The following HR variants were observed in gnomAD, a reference collection of about 807,000 sequenced individuals.
The protein encoded by HR is HR lysine demethylase and nuclear receptor corepressor.
HR carries 83 observed loss-of-function variants against 128.6 expected under a neutral mutation model. The observed-to-expected ratio is 0.65, with a 90% CI of 0.54 to 0.77. The LOEUF (loss-of-function observed/expected upper bound fraction) is 0.77, where lower values mean the gene tolerates loss of function less well. Among genes scored for constraint, HR ranks in the 30% least tolerant of loss-of-function variants. The probability of loss-of-function intolerance (pLI) is 0.00; values close to 1 mark genes in which losing one functional copy is unlikely to be tolerated. For synonymous variants in HR, 681 were observed against 658.2 expected (o/e 1.03, Z -0.53); for missense variants, 1,490 against 1,574.6 (o/e 0.95, Z 0.91).
rs139561771 is a variant in HR, at chr8:22,119,273, C to A, written c.2988G>T (p.Pro996=). 7 of 1,613,608 alleles carry A rather than the reference C, an allele frequency of 4.3e-6. No individual in the cohort carries two copies. The South Asian group carries it at 7.7e-5, about 18-fold the overall frequency. The change falls in exon 15 of 19, where the codon CCG becomes CCT. Residue 996 remains proline, a synonymous_variant. Transcript: ENST00000381418. The stretch of plus-strand genomic sequence containing the variant: ...TCTTGGTCCCCAGGTGTCCCCGGTG[C>A]GGGCTCACACCTGCATGGCAATAGA... ...PQLWAAYGVS[P]HRGHLGTKNL...
intron 3 of HR, among the ~76,000 whole-genome samples, chr8:22,126,726 C>T (rs1214315564): frequency 6.6e-6 from 1 of 152,194 alleles, no homozygotes; most frequent in Admixed American, 6.5e-5. Flanking sequence ...GCAACTCATC[C>T]GAGGTCACAC....
intron 16 of HR, 177 bp downstream of exon 16, chr8:22,118,773 G>A: frequency 1.6e-6 from 1 of 617,678 alleles, no homozygotes. Flanking sequence ...GAGCCCCACG[G>A]CAGAACTCCG....
Position 22,119,747 on chromosome 8 carries a change from G to A in HR, c.2977+13C>T. 1.2e-6 allele frequency: 2 copies of A among 1,602,578 alleles called. No homozygotes were observed. On this transcript the variant is annotated intron_variant, in intron 14 of 18. Coordinates refer to ENST00000381418, the MANE Select transcript of HR (RefSeq NM_005144.5). ...TGGGAGTAGAGACTGGGCAGGAGTG[G>A]AGGGACACTCACCATAGGCTGCCCA...
chr8:22,116,843 TC>T lies in HR; in HGVS notation c.3378+31del. The T allele has an allele frequency of 6.4e-7, 1 of 1,557,732 alleles. No individual in the cohort carries two copies. On this transcript the variant is annotated intron_variant, in intron 17 of 18. Transcript: ENST00000381418. This position sits in a 1 kb window ranked among gnomAD's most constrained non-coding sequence, Gnocchi z 4.2. ...TTGGGTCGCTTCTGCCATCCTGATC[TC>T]CCCGCAGAGCCCCTGCCCGCTGGGA...
chr8:22,121,634 T>C lies in HR; in HGVS notation c.2182A>G (p.Arg728Gly). The C allele has an allele frequency of 1.9e-6, 3 of 1,614,166 alleles. No individual in the cohort carries two copies. The highest frequency in any genetic ancestry group is 2.5e-6 in the Non-Finnish European group (3 of 1,180,030). The change falls in exon 9 of 19, where the codon AGG (arginine) becomes GGG (glycine). Residue 728 changes from arginine (R) to glycine (G), a missense_variant. Around this residue, in one of 3 missense-constraint regions of HR, gnomAD observed 1,060 missense variants for 1,060.9 expected, o/e 1.00. Transcript: ENST00000381418. ...TCACCCTCTTTGATGCTCTTGGTCCTGTGGGTGTCGCCATTGCAGGAAGGT... is the reference window on the plus strand; with the variant it reads ...TCACCCTCTTTGATGCTCTTGGTCCCGTGGGTGTCGCCATTGCAGGAAGGT... ...PQPSCNGDTHRTKSIKEETPD... is the reference protein window; with the variant it reads ...PQPSCNGDTHGTKSIKEETPD...
chr8:22,127,547 C>G lies in HR; in HGVS notation c.895G>C (p.Asp299His), dbSNP rs747380523. The change falls in exon 3 of 19, where the codon GAT becomes CAT. Residue 299 changes from aspartate to histidine, a missense_variant. Asp to His is a moderately conservative substitution (Grantham distance 81). Transcript: ENST00000381418. Reference protein sequence around the residue: ...TLGNVWAGPGDGNLGYQLGPP... With the variant: ...TLGNVWAGPGHGNLGYQLGPP... Reference sequence around the variant, plus strand: ...CCCAGCTGGTACCCAAGGTTCCCATCGCCTGGCCCAGCCCAGACGTTGCCA... The same window carrying G: ...CCCAGCTGGTACCCAAGGTTCCCATGGCCTGGCCCAGCCCAGACGTTGCCA... The G allele has an allele frequency of 2.5e-6, 4 of 1,612,956 alleles. No homozygotes were observed. Among genetic ancestry groups the G allele is most frequent in the Admixed American group, 1.7e-5 (1 of 60,006 alleles).
Position 22,116,577 on chromosome 8 carries a change from CA to C in HR, c.3379-150del. On this transcript the variant is annotated intron_variant, in intron 17 of 18. Transcript: ENST00000381418. This position sits in a 1 kb window ranked among gnomAD's most constrained non-coding sequence, Gnocchi z 4.2. ...TTCCTGGATGCACCACTGGACACCT[CA>C]AAGCCTGTGGCCAAAACCGGGACTC... 2 of 1,254,258 alleles carry C rather than the reference CA, an allele frequency of 1.6e-6. No homozygotes were observed. The highest frequency in any genetic ancestry group is 2.3e-6 in the Non-Finnish European group (2 of 888,314). 77.7% of individuals were successfully genotyped at this position (1,254,258 alleles called of 1,614,324 possible). A position where few individuals can be genotyped will look rare whatever the true frequency, so the allele number is the denominator to read the frequency against.
chr8:22,121,181 C>T lies in HR; in HGVS notation c.2251G>A (p.Gly751Arg), dbSNP rs760095677. The T allele has an allele frequency of 6.2e-7, 1 of 1,613,966 alleles. No homozygotes were observed. The highest frequency in any genetic ancestry group is 8.5e-7 in the Non-Finnish European group (1 of 1,180,030). The change falls in exon 10 of 19, where the codon GGG (glycine) becomes AGG (arginine). Residue 751 changes from glycine (G) to arginine (R), a missense_variant. Gly to Arg is a moderately radical substitution (Grantham distance 125). Transcript: ENST00000381418. ...CAGAGAGAAGGACAAGGCAGGGGCC[C>T]TCGGCCAGCACGGTCCTCTGCTGGG... Reference protein sequence around the residue: ...ETPAEDRAGRGPLPCPSLCEL... With the variant: ...ETPAEDRAGRRPLPCPSLCEL...
chr8:22,128,716 A>G lies in HR; in HGVS notation c.455T>C (p.Leu152Pro). ...HCPFLLETKI[L>P]ERAPFWVPTC... Reference sequence around the variant, plus strand: ...GGGCACCCAGAAGGGAGCTCGCTCCAGGATCTTGGTCTCCAGAAGGAAAGG... The same window carrying G: ...GGGCACCCAGAAGGGAGCTCGCTCCGGGATCTTGGTCTCCAGAAGGAAAGG... Residue 152 changes from leucine (L) to proline (P), a missense_variant, in exon 2 of 19, where the codon CTG becomes CCG. Around this residue, in one of 3 missense-constraint regions of HR, gnomAD observed 1,060 missense variants for 1,060.9 expected, o/e 1.00. Transcript: ENST00000381418. 2 of 1,585,716 alleles carry G rather than the reference A, an allele frequency of 1.3e-6. No individual in the cohort carries two copies. Among genetic ancestry groups the G allele is most frequent in the South Asian group, 1.1e-5 (1 of 87,744 alleles).
intron 5 of HR, 137 bp from the exon 6 acceptor site, chr8:22,123,950 A>G: frequency 9.9e-7 from 1 of 1,010,272 alleles, no homozygotes; most frequent in Non-Finnish European, 1.5e-6. Context: ...CAGGGAAGGG[A>G]GACAGGCCCC....
At chr8:22,122,768 C>G in intron 7 of HR, 22 bp downstream of exon 7, 1 of 1,548,536 alleles carries the variant, frequency 6.5e-7, no homozygotes, top group Non-Finnish European at 8.7e-7. Context: ...TCTGCACGCC[C>G]CACCCCTCCA....
Position 22,121,659 on chromosome 8 carries a change from T to C in HR, c.2157A>G (p.Gln719=), listed in dbSNP as rs1826757980. Residue 719 remains glutamine, a synonymous_variant, in exon 9 of 19, where the codon CAA becomes CAG. Coordinates refer to ENST00000381418, the MANE Select transcript of HR (RefSeq NM_005144.5). ...ESTQKTPPTP[Q]PSCNGDTHRT... ...TGTGGGTGTCGCCATTGCAGGAAGG[T>C]TGTGGAGTTGGGGGCGTTTTCTGTG... 2 of 1,614,070 alleles carry C rather than the reference T, an allele frequency of 1.2e-6. No individual in the cohort carries two copies. Among genetic ancestry groups the C allele is most frequent in the Non-Finnish European group, 1.7e-6 (2 of 1,180,042 alleles).
rs749719380 is a variant in HR, at chr8:22,127,286, G to T, written c.1156C>A (p.Arg386=). ...GGACATTCAAACTGCTCCGAGTGCC[G>T]TGTGAGCCATGTCTTCTTCAGCTTG... ...HTKLKKTWLT[R]HSEQFECPRG... Residue 386 remains arginine (R), a synonymous_variant, in exon 3 of 19, where the codon CGG becomes AGG. Coordinates refer to ENST00000381418, the MANE Select transcript of HR (RefSeq NM_005144.5). 1 of 1,613,174 alleles carries T rather than the reference G, an allele frequency of 6.2e-7. No homozygotes were observed. Among genetic ancestry groups the T allele is most frequent in the African/African-American group, 1.3e-5 (1 of 74,926 alleles).
chr8:22,123,617 T>TGGGGGCCCC, intron 6 of HR, 32 bp downstream of exon 6: 27 of 292,080 alleles, frequency 9.2e-5, no homozygotes, highest in East Asian at 2.2e-4. Context: ...GAGGGCTCCA[T>TGGGGGCCCC]CCCGCCCTCC....
In HR at chr8:22,116,929, G is replaced by T. The variant is rs1399689382; in HGVS notation, c.3324C>A (p.Thr1108=). The T allele has an allele frequency of 1.9e-6, 3 of 1,552,714 alleles. No homozygotes were observed. The East Asian group carries it at 7.1e-5, about 37-fold the overall frequency. ...CGGCCTCTCCGGGGGCCTGGAGCAG[G>T]GTCCAGCAGCTCACGCCCCACTCCT... ...LREEWGVSCW[T]LLQAPGEAVL... is the part of the protein sequence containing the mutation. The change falls in exon 17 of 19, where the codon ACC becomes ACA. Residue 1108 remains threonine, a synonymous_variant. Transcript: ENST00000381418. This position sits in a 1 kb window ranked among gnomAD's most constrained non-coding sequence, Gnocchi z 4.2.
At position 22,116,099 on chromosome 8, in the gene HR, C is replaced by A. The variant is rs182740539; in HGVS notation, c.3507+201G>T. Among the ~76,000 whole-genome samples the A allele has an allele frequency of 2.6e-4, 40 of 152,336 alleles. No homozygotes were observed. In the East Asian group the frequency reaches 5.6e-3, roughly 21 times the overall value. On this transcript the variant is annotated intron_variant, in intron 18 of 18. Transcript: ENST00000381418. The surrounding 1 kb of genome is among the most constrained non-coding windows in gnomAD (Gnocchi z 4.2). ...GCAGGGAGCTGAGATAGTGCCACTGCACTCCAGCCTAGGTGACAGAACAAG... is the reference window on the plus strand; with the variant it reads ...GCAGGGAGCTGAGATAGTGCCACTGAACTCCAGCCTAGGTGACAGAACAAG...
In HR at chr8:22,119,110, C is replaced by A. The variant is rs201411824; in HGVS notation, c.3098-45G>T. 3.9e-3 allele frequency: 6,283 copies of A among 1,613,618 alleles called. 225 individuals are homozygous for A. In the South Asian group the frequency reaches 0.065, roughly 17 times the overall value. On this transcript the variant is annotated intron_variant, in intron 15 of 18. Coordinates refer to ENST00000381418, the MANE Select transcript of HR (RefSeq NM_005144.5). ...CAGGCAGGCCCAGGGCTGGTGGCGACAAACACTCACCTCTGTAGCTTGTCC... is the reference window on the plus strand; with the variant it reads ...CAGGCAGGCCCAGGGCTGGTGGCGAAAAACACTCACCTCTGTAGCTTGTCC...
chr8:22,129,337 C>T (rs78771661), intron 1 of HR, 127 bp from the exon 2 acceptor site: 10,255 of 668,448 alleles, frequency 0.015, 99 homozygotes, highest in Non-Finnish European at 0.02. Flanking sequence ...AGTGCCAGCC[C>T]ACAACTGGGC....
At chr8:22,123,617 T>TGGGGGGGGCG in intron 6 of HR, 32 bp downstream of exon 6, 1 of 292,092 alleles carries the variant, frequency 3.4e-6, no homozygotes, top group Non-Finnish European at 6.2e-6. Context: ...GAGGGCTCCA[T>TGGGGGGGGCG]CCCGCCCTCC....
Sources: gnomAD v4.1 joint callset for allele counts (sites outside exome capture counted in the v4.1 genomes callset) on GRCh38, gnomAD v4.1.1 for gene constraint, gnomAD v4.1.1 regional missense constraint, Gnocchi (gnomAD v3.1) non-coding constraint, MANE v1.5 for transcripts, NCBI Gene and HGNC (gene_info 2026-07-23, HGNC 2026-07-21) for gene names.